The following BCKDHB variants were observed in gnomAD, a reference collection of about 807,000 sequenced individuals.
The protein encoded by BCKDHB is branched chain keto acid dehydrogenase E1 subunit beta, also known as 2-oxoisovalerate dehydrogenase subunit beta, mitochondrial.
BCKDHB carries 41 observed loss-of-function variants against 48.5 expected under a neutral mutation model. The ratio of observed to expected loss-of-function variants is 0.85; its 90% CI spans 0.66 to 1.10. The LOEUF is 1.10. Ranked by LOEUF, BCKDHB falls within the 50% of genes least tolerant of loss-of-function variation. BCKDHB has a pLI of 0.00. For missense variants in BCKDHB, 496 were observed against 494.2 expected (o/e 1.00, Z -0.03); for synonymous variants, 201 against 174.8 (o/e 1.15, Z -1.18).
the BCKDHB span, among the ~76,000 whole-genome samples, chr6:80,401,815 A>G: frequency 3.3e-5 from 5 of 151,820 alleles, no homozygotes; most frequent in African/African-American, 9.7e-5. Context: ...TCACATATAA[A>G]TTATATTATA....
chr6:80,185,634 C>T (rs576874796), intron 6 of BCKDHB, among the ~76,000 whole-genome samples: 59 of 152,226 alleles, frequency 3.9e-4, no homozygotes, highest in African/African-American at 1.3e-3. Context: ...GATGTTCTCC[C>T]CTTCACCTGG....
At chr6:80,310,694 G>A (rs528008457) in intron 9 of BCKDHB, among the ~76,000 whole-genome samples, 1 of 152,200 alleles carries the variant, frequency 6.6e-6, no homozygotes, top group East Asian at 1.9e-4. Context: ...TTCCACAGTG[G>A]TTGAATTTAC....
chr6:80,178,089 A>C (rs1337908429), intron 6 of BCKDHB, among the ~76,000 whole-genome samples: 1 of 152,174 alleles, frequency 6.6e-6, no homozygotes, highest in Non-Finnish European at 1.5e-5. Context: ...GCTGACAGTC[A>C]TCTCATCTGA....
chr6:80,440,490 T>C, the BCKDHB span, among the ~76,000 whole-genome samples: 3 of 152,162 alleles, frequency 2.0e-5, no homozygotes, highest in African/African-American at 4.8e-5. Context: ...TTTAGAGAAG[T>C]TGTTCATACC....
chr6:80,324,363 A>G (rs1768921091), intron 9 of BCKDHB, among the ~76,000 whole-genome samples: 2 of 152,158 alleles, frequency 1.3e-5, no homozygotes, highest in South Asian at 2.1e-4. Context: ...GAGAGCTACT[A>G]TAGGACAGTG....
chr6:80,141,175 C>G (rs1374230289), intron 3 of BCKDHB, among the ~76,000 whole-genome samples: 4 of 152,004 alleles, frequency 2.6e-5, no homozygotes. Context: ...TTTAATGCGT[C>G]TATTCGATTC....
intron 8 of BCKDHB, among the ~76,000 whole-genome samples, chr6:80,236,680 G>A (rs1044408214): frequency 1.3e-5 from 2 of 152,150 alleles, no homozygotes; most frequent in Admixed American, 6.5e-5. Flanking sequence ...ACTAACAAGG[G>A]TTGAGCTGGG....
chr6:80,352,656 C>T, the BCKDHB span, among the ~76,000 whole-genome samples: 2 of 152,166 alleles, frequency 1.3e-5, no homozygotes, highest in Non-Finnish European at 2.9e-5. Flanking sequence ...ATAAAGTATA[C>T]TTTGGGAAAA....
the BCKDHB span, among the ~76,000 whole-genome samples, chr6:80,366,188 T>G: frequency 1.3e-4 from 20 of 152,222 alleles, no homozygotes; most frequent in Non-Finnish European, 2.2e-4. Context: ...GCAGAAGTTG[T>G]AGAGTCGAGT....
chr6:80,356,058 C>A, the BCKDHB span: 2 of 152,204 alleles, frequency 1.3e-5, no homozygotes, highest in African/African-American at 2.4e-5. Context: ...GTTCATCAGA[C>A]AAGTGAATTA....
At chr6:80,138,423 C>T (rs978327325) in intron 3 of BCKDHB, among the ~76,000 whole-genome samples, 1 of 151,988 alleles carries the variant, frequency 6.6e-6, no homozygotes, top group Non-Finnish European at 1.5e-5. Context: ...AGGTATATCT[C>T]CCAATGCTAT....
At chr6:80,119,213 G>T (rs1027796452) in intron 1 of BCKDHB, among the ~76,000 whole-genome samples, 3 of 152,034 alleles carry the variant, frequency 2.0e-5, no homozygotes, top group African/African-American at 7.3e-5. Context: ...GATCCTGGGA[G>T]GTGGAGGTTG....
chr6:80,330,344 T>G (rs1297461585), intron 9 of BCKDHB, among the ~76,000 whole-genome samples: 2 of 152,150 alleles, frequency 1.3e-5, no homozygotes, highest in Non-Finnish European at 2.9e-5. Flanking sequence ...CATATATATA[T>G]ATTTGGCCTC....
intron 8 of BCKDHB, among the ~76,000 whole-genome samples, chr6:80,239,842 C>G (rs1382384743): frequency 6.6e-6 from 1 of 152,110 alleles, no homozygotes; most frequent in African/African-American, 2.4e-5. Flanking sequence ...TTTCCCAGCA[C>G]CATTTATTAA....
chr6:80,354,239 ATTTT>A, the BCKDHB span, among the ~76,000 whole-genome samples: 189 of 132,066 alleles, frequency 1.4e-3, no homozygotes, highest in Middle Eastern at 7.1e-3. Context: ...TTATTTATTT[ATTTT>A]TTTATACAGA....
chr6:80,201,059 A>T (rs1774372119), intron 7 of BCKDHB, 28 bp downstream of exon 7: 1 of 1,530,776 alleles, frequency 6.5e-7, no homozygotes, highest in African/African-American at 1.4e-5. Flanking sequence ...CAACTGTTAA[A>T]ACCTACGTTG....
chr6:80,431,223 G>A, the BCKDHB span, among the ~76,000 whole-genome samples: 14 of 152,260 alleles, frequency 9.2e-5, no homozygotes, highest in South Asian at 2.7e-3. Context: ...ATTTGCTGAG[G>A]AGTGTTTTAC....
At chr6:80,428,630 G>T in the BCKDHB span, among the ~76,000 whole-genome samples, 1 of 152,184 alleles carries the variant, frequency 6.6e-6, no homozygotes, top group Non-Finnish European at 1.5e-5. Context: ...CAGTGATGAT[G>T]AGCATTTTTT....
intron 6 of BCKDHB, among the ~76,000 whole-genome samples, chr6:80,175,689 A>G (rs1414199842): frequency 6.6e-6 from 1 of 152,220 alleles, no homozygotes; most frequent in Non-Finnish European, 1.5e-5. Flanking sequence ...CATCCATCTG[A>G]TGGGTTACAC....
Sources: allele counts gnomAD v4.1 joint callset (sites outside exome capture counted in the v4.1 genomes callset), GRCh38; gene constraint gnomAD v4.1.1; transcripts MANE v1.5; gene names NCBI Gene and HGNC (gene_info 2026-07-23, HGNC 2026-07-21).